Variants in PTTG1IP observed in about 807,000 individuals in gnomAD.
The protein encoded by PTTG1IP is pituitary tumor-transforming gene 1 protein-interacting protein.
In PTTG1IP, 16 loss-of-function variants were observed where a neutral mutation model predicts 24.4. The ratio of observed to expected loss-of-function variants is 0.66; its 90% CI spans 0.44 to 1.00. The LOEUF (loss-of-function observed/expected upper bound fraction) is 1.00. Ranked by LOEUF, PTTG1IP falls within the 50% of genes least tolerant of loss-of-function variation. PTTG1IP has a pLI of 0.00. For missense variants in PTTG1IP, 241 were observed against 245.8 expected, an observed-to-expected ratio of 0.98 and a Z score of 0.13; for synonymous variants, 89 against 96.8, an observed-to-expected ratio of 0.92 and a Z score of 0.47.
Position 44,851,288 on chromosome 21 carries a change from G to A in PTTG1IP, c.*293C>T, listed in dbSNP as rs1304497348. 3 of 1,423,764 alleles carry A rather than the reference G, an allele frequency of 2.1e-6. No individual in the cohort carries two copies. Among genetic ancestry groups the A allele is most frequent in the African/African-American group, 1.4e-5 (1 of 69,762 alleles). The allele number at this position is 1,423,764 out of a possible 1,614,324, so 88.2% of individuals were successfully genotyped here. ...GCTGGGTGCCGTCAGGCGGCTTCGT[G>A]TGCAGTTAGCGTTTCACAAACTGAG... On this transcript the variant is annotated 3_prime_UTR_variant, in exon 6 of 6. Coordinates refer to ENST00000330938, the MANE Select transcript of PTTG1IP (RefSeq NM_004339.4).
At chr21:44,852,969 A>G (rs75013669) in intron 5 of PTTG1IP, among the ~76,000 whole-genome samples, 2,100 of 152,268 alleles carry the variant, frequency 0.014, 52 homozygotes, top group African/African-American at 0.048. Flanking sequence ...CATTTCATCA[A>G]TGCAATTAAA....
At chr21:44,854,678 A>AT (rs1440071215) in intron 5 of PTTG1IP, among the ~76,000 whole-genome samples, 8 of 152,244 alleles carry the variant, frequency 5.3e-5, no homozygotes, top group African/African-American at 1.9e-4. Flanking sequence ...CACTTGGCAA[A>AT]TACATTCATT....
chr21:44,873,260 CAAAACA>C (rs2083605165), intron 1 of PTTG1IP, among the ~76,000 whole-genome samples: 2 of 152,204 alleles, frequency 1.3e-5, no homozygotes, highest in Non-Finnish European at 2.9e-5. Flanking sequence ...AGCGACTGGA[CAAAACA>C]AAGACAAAGA....
intron 2 of PTTG1IP, among the ~76,000 whole-genome samples, chr21:44,864,603 T>C (rs544335709): frequency 6.6e-6 from 1 of 152,338 alleles, no homozygotes; most frequent in East Asian, 1.9e-4. Context: ...TTCACCATGT[T>C]GGTCAGGCTG....
chr21:44,872,905 G>A (rs2083600665), intron 1 of PTTG1IP: 1 of 152,352 alleles, frequency 6.6e-6, no homozygotes, highest in South Asian at 2.1e-4. Flanking sequence ...AAAATCAGAT[G>A]CTACAGCCTG....
chr21:44,861,527 C>A (rs1173649583), intron 2 of PTTG1IP, among the ~76,000 whole-genome samples: 2 of 152,156 alleles, frequency 1.3e-5, no homozygotes, highest in Non-Finnish European at 2.9e-5. Context: ...CCACAACTCA[C>A]CCTGCTGAGG....
At chr21:44,864,263 G>A (rs917747850) in intron 2 of PTTG1IP, among the ~76,000 whole-genome samples, 4 of 152,370 alleles carry the variant, frequency 2.6e-5, no homozygotes, top group Admixed American at 6.5e-5. Context: ...ATTTCATAGC[G>A]CTGCGAGGAG....
At chr21:44,852,301 G>C (rs558652698) in intron 5 of PTTG1IP, among the ~76,000 whole-genome samples, 1 of 152,164 alleles carries the variant, frequency 6.6e-6, no homozygotes, top group East Asian at 1.9e-4. Flanking sequence ...TCCTGCCTCA[G>C]CCTCCGGGTA....
intron 1 of PTTG1IP, among the ~76,000 whole-genome samples, chr21:44,872,069 T>C (rs188475068): frequency 1.3e-5 from 2 of 152,256 alleles, no homozygotes; most frequent in Non-Finnish European, 2.9e-5. Context: ...TTCCTGACAC[T>C]CCCGCTTTCA....
chr21:44,859,575 C>T (rs931766800), intron 3 of PTTG1IP, among the ~76,000 whole-genome samples: 2 of 152,204 alleles, frequency 1.3e-5, no homozygotes, highest in African/African-American at 4.8e-5. Flanking sequence ...ATTAAAAACA[C>T]CTCCAGAACA....
intron 1 of PTTG1IP, among the ~76,000 whole-genome samples, chr21:44,867,881 G>A (rs73908944): frequency 0.012 from 1,836 of 152,302 alleles, 44 homozygotes; most frequent in African/African-American, 0.043. Flanking sequence ...ATAATACATC[G>A]AGTACATTGT....
In PTTG1IP at chr21:44,856,319, G is replaced by GT. The variant is rs1347816046; in HGVS notation, c.322dup (p.Thr108AsnfsTer26). Reference sequence around the variant, plus strand: ...GCAGATGGCAATGCCCAGGAGGAGGGTTCCCCCGACTACCGACATGGTGAT... The same window carrying GT: ...GCAGATGGCAATGCCCAGGAGGAGGGTTTCCCCCGACTACCGACATGGTGAT... On this transcript the variant is annotated frameshift_variant, in exon 4 of 6. Coordinates refer to ENST00000330938, the MANE Select transcript of PTTG1IP (RefSeq NM_004339.4). LOFTEE classifies it high-confidence loss of function. The GT allele has an allele frequency of 2.5e-6, 4 of 1,614,132 alleles. No homozygotes were observed. The highest frequency in any genetic ancestry group is 2.5e-6 in the Non-Finnish European group (3 of 1,180,012).
intron 4 of PTTG1IP, 114 bp from the exon 5 acceptor site, chr21:44,855,370 C>A: frequency 9.1e-7 from 1 of 1,099,018 alleles, no homozygotes; most frequent in South Asian, 1.3e-5. Flanking sequence ...TGGTGGCTTC[C>A]CTCCAGTTCC....
At chr21:44,867,463 T>C (rs1201788780) in intron 1 of PTTG1IP, among the ~76,000 whole-genome samples, 2 of 152,088 alleles carry the variant, frequency 1.3e-5, no homozygotes, top group African/African-American at 2.4e-5. Context: ...ATCTTCCAGA[T>C]CGAGGGTCTG....
intron 2 of PTTG1IP, among the ~76,000 whole-genome samples, chr21:44,864,775 C>T (rs2083522026): frequency 6.6e-6 from 1 of 152,258 alleles, no homozygotes; most frequent in Non-Finnish European, 1.5e-5. Flanking sequence ...AGGTGGGCAT[C>T]TGCATCAGTC....
At chr21:44,870,092 C>T (rs936955701) in intron 1 of PTTG1IP, among the ~76,000 whole-genome samples, 1 of 152,194 alleles carries the variant, frequency 6.6e-6, no homozygotes, top group African/African-American at 2.4e-5. Context: ...GAGAGAAAAA[C>T]CGCCCAACAT....
rs188877011 is a variant in PTTG1IP, at chr21:44,861,210, G to A, written c.230C>T (p.Pro77Leu). 13 of 1,614,096 alleles carry A rather than the reference G, an allele frequency of 8.1e-6. No homozygotes were observed. Among genetic ancestry groups the A allele is most frequent in the East Asian group, 2.2e-5 (1 of 44,886 alleles). The part of the protein sequence containing the change: ...LDYPVTSVLP[P>L]ASLCKLSSAR... ...AGAGCTCAATTTACAAAGGGAAGCCGGTGGCAAGACGCTTGTAACTGGGTA... is the reference window on the plus strand; with the variant it reads ...AGAGCTCAATTTACAAAGGGAAGCCAGTGGCAAGACGCTTGTAACTGGGTA... Residue 77 changes from proline to leucine, a missense_variant, in exon 3 of 6, where the codon CCG (proline) becomes CTG (leucine). By Grantham distance (98) the Pro-to-Leu change is moderately conservative (BLOSUM62 -3). Transcript: ENST00000330938.
chr21:44,859,321 T>C (rs757731604), intron 3 of PTTG1IP, among the ~76,000 whole-genome samples: 4 of 152,204 alleles, frequency 2.6e-5, no homozygotes, highest in Non-Finnish European at 5.9e-5. Flanking sequence ...GTCCTGGAAG[T>C]CCTACCTACT....
In PTTG1IP at chr21:44,873,647, G is replaced by C; in HGVS notation, c.-31C>G. On this transcript the variant is annotated 5_prime_UTR_variant, in exon 1 of 6. Coordinates refer to ENST00000330938, the MANE Select transcript of PTTG1IP (RefSeq NM_004339.4). ...GCCGGTCGCTCTATCAGTCAGTGGA[G>C]CGTTACAACTCCGACTCCAGCACAA... is the stretch of plus-strand genomic sequence containing the variant. 4 of 1,373,038 alleles carry C rather than the reference G, an allele frequency of 2.9e-6. No homozygotes were observed. The highest frequency in any genetic ancestry group is 1.6e-5 in the South Asian group (1 of 63,040). The allele number at this position is 1,373,038 out of a possible 1,614,324, so 85.1% of individuals were successfully genotyped here. A position where few individuals can be genotyped will look rare whatever the true frequency, so the allele number is the denominator to read the frequency against.
Sources: gnomAD v4.1 joint callset for allele counts (sites outside exome capture counted in the v4.1 genomes callset) on GRCh38, gnomAD v4.1.1 for gene constraint, MANE v1.5 for transcripts, NCBI Gene and HGNC (gene_info 2026-07-23, HGNC 2026-07-21) for gene names.